VSTM2B: variants seen among roughly 807,000 people sequenced by gnomAD.
The protein encoded by VSTM2B is V-set and transmembrane domain containing 2B, also known as V-set and transmembrane domain-containing protein 2B.
VSTM2B carries 24 observed loss-of-function variants against 24.0 expected under a neutral mutation model. The ratio of observed to expected loss-of-function variants is 1.00; its 90% CI spans 0.72 to 1.40. The LOEUF is 1.40. Ranked by LOEUF, VSTM2B falls within the 40% of genes most tolerant of loss-of-function variation. The pLI is 0.00. For missense variants in VSTM2B, 399 were observed against 416.4 expected (o/e 0.96, Z 0.36); for synonymous variants, 226 against 194.4 (o/e 1.16, Z -1.35).
chr19:29,555,548 T>C (rs774315737), intron 4 of VSTM2B, among the ~76,000 whole-genome samples: 4 of 151,802 alleles, frequency 2.6e-5, no homozygotes, highest in Admixed American at 6.6e-5. Flanking sequence ...AAAGAAATAG[T>C]TAACCAAGAT....
chr19:29,548,563 G>C (rs1054298703), intron 4 of VSTM2B, among the ~76,000 whole-genome samples: 1 of 152,196 alleles, frequency 6.6e-6, no homozygotes, highest in East Asian at 1.9e-4. Flanking sequence ...ACATCAACAA[G>C]GGAGGCAGCC....
At chr19:29,555,389 G>C (rs1444198639) in intron 4 of VSTM2B, among the ~76,000 whole-genome samples, 3 of 152,126 alleles carry the variant, frequency 2.0e-5, no homozygotes, top group African/African-American at 4.8e-5. Context: ...CAAAATTTCT[G>C]GGACACAACT....
chr19:29,540,042 C>CCA (rs1568441378), intron 4 of VSTM2B, among the ~76,000 whole-genome samples: 1 of 152,262 alleles, frequency 6.6e-6, no homozygotes, highest in African/African-American at 2.4e-5. Context: ...CAGGAAAGCC[C>CCA]AGCTGCAATG....
rs955931048 is a variant in VSTM2B, at chr19:29,526,316, G to A, written c.-268G>A. Among the ~76,000 whole-genome samples, 1 of 151,874 alleles carries A rather than the reference G, an allele frequency of 6.6e-6. No homozygotes were observed. Among genetic ancestry groups the A allele is most frequent in the Non-Finnish European group, 1.5e-5 (1 of 67,916 alleles). ...CCACCGTCCTGTGGACGACCGGACA[G>A]AGAGAGGCACTGACCGATCGCCAGC... On this transcript the variant is annotated 5_prime_UTR_variant, in exon 1 of 5. Coordinates refer to ENST00000335523, the MANE Select transcript of VSTM2B (RefSeq NM_001146339.2). This position sits in a 1 kb window ranked among gnomAD's most constrained non-coding sequence, Gnocchi z 4.1.
At chr19:29,555,398 C>T (rs976891613) in intron 4 of VSTM2B, among the ~76,000 whole-genome samples, 3 of 152,106 alleles carry the variant, frequency 2.0e-5, no homozygotes, top group Non-Finnish European at 4.4e-5. Flanking sequence ...TGGGACACAA[C>T]TGAAGCAGTG....
At chr19:29,552,232 G>A (rs949360783) in intron 4 of VSTM2B, among the ~76,000 whole-genome samples, 2 of 152,202 alleles carry the variant, frequency 1.3e-5, no homozygotes, top group South Asian at 2.1e-4. Context: ...GGTCTGCCCC[G>A]ATTCATTTGG....
At chr19:29,539,601 G>A (rs1052227391) in intron 4 of VSTM2B, among the ~76,000 whole-genome samples, 2 of 152,152 alleles carry the variant, frequency 1.3e-5, no homozygotes, top group African/African-American at 2.4e-5. Flanking sequence ...GGGGACTCAC[G>A]CCACCGTTAC....
intron 4 of VSTM2B, among the ~76,000 whole-genome samples, chr19:29,548,889 T>G (rs1376626087): frequency 2.0e-5 from 3 of 152,180 alleles, no homozygotes; most frequent in Non-Finnish European, 4.4e-5. Context: ...AGGGCCAGGT[T>G]GGCTGAGCAA....
chr19:29,541,625 C>G, intron 4 of VSTM2B, among the ~76,000 whole-genome samples: 1 of 150,686 alleles, frequency 6.6e-6, no homozygotes, highest in East Asian at 2.0e-4. Context: ...GATGGGTGGA[C>G]AGAAAATGAG....
chr19:29,561,284 C>A (rs1262796497), intron 4 of VSTM2B, among the ~76,000 whole-genome samples: 1 of 151,396 alleles, frequency 6.6e-6, no homozygotes, highest in Non-Finnish European at 1.5e-5. Flanking sequence ...TGCGCTCCAA[C>A]CTGGGTGACA....
intron 4 of VSTM2B, among the ~76,000 whole-genome samples, chr19:29,562,470 A>C (rs945056875): frequency 6.6e-6 from 1 of 152,122 alleles, no homozygotes; most frequent in Non-Finnish European, 1.5e-5. Flanking sequence ...GAAAATTGAC[A>C]CAGGGTAGGG....
intron 4 of VSTM2B, among the ~76,000 whole-genome samples, chr19:29,555,932 C>T (rs918248207): frequency 1.3e-5 from 2 of 151,930 alleles, no homozygotes; most frequent in Non-Finnish European, 2.9e-5. Flanking sequence ...TACCAACCAA[C>T]AAAAGCCTGG....
chr19:29,526,724 A>C lies in VSTM2B; in HGVS notation c.82+59A>C. The C allele has an allele frequency of 7.0e-7, 1 of 1,421,184 alleles. No individual in the cohort carries two copies. The highest frequency in any genetic ancestry group is 1.3e-5 in the South Asian group (1 of 79,000). The allele number at this position is 1,421,184 out of a possible 1,614,324, so 88.0% of individuals were successfully genotyped here. A position where few individuals can be genotyped will look rare whatever the true frequency, so the allele number is the denominator to read the frequency against. On this transcript the variant is annotated intron_variant, in intron 1 of 4. Coordinates refer to ENST00000335523, the MANE Select transcript of VSTM2B (RefSeq NM_001146339.2). This position sits in a 1 kb window ranked among gnomAD's most constrained non-coding sequence, Gnocchi z 4.1. The stretch of plus-strand genomic sequence containing the variant: ...CGGGGGGGTCTTTGCTGGGGCCGCC[A>C]CCGAGAAGAAGAAGAAAGAGAACGA...
intron 4 of VSTM2B, among the ~76,000 whole-genome samples, chr19:29,545,488 C>T (rs1970131610): frequency 6.6e-6 from 1 of 152,182 alleles, no homozygotes; most frequent in East Asian, 1.9e-4. Context: ...TGGCACATGC[C>T]TGTAACCCCA....
At chr19:29,536,192 G>A (rs1230457472) in intron 4 of VSTM2B, among the ~76,000 whole-genome samples, 2 of 152,206 alleles carry the variant, frequency 1.3e-5, no homozygotes, top group Non-Finnish European at 2.9e-5. Context: ...GGGAACCAGA[G>A]ATGGCAGTGT....
At chr19:29,545,251 G>A (rs184526534) in intron 4 of VSTM2B, among the ~76,000 whole-genome samples, 12 of 152,232 alleles carry the variant, frequency 7.9e-5, no homozygotes, top group Admixed American at 7.8e-4. Flanking sequence ...GAAGAGTTAG[G>A]TCTTCAGCCT....
At chr19:29,548,887 GT>G (rs1970208655) in intron 4 of VSTM2B, among the ~76,000 whole-genome samples, 2 of 152,236 alleles carry the variant, frequency 1.3e-5, no homozygotes. Flanking sequence ...AAAGGGCCAG[GT>G]TGGCTGAGCA....
chr19:29,542,373 GA>G, intron 4 of VSTM2B, among the ~76,000 whole-genome samples: 1 of 151,016 alleles, frequency 6.6e-6, no homozygotes, highest in African/African-American at 2.4e-5. Context: ...GAAGAAGGGT[GA>G]ATCAATGTGT....
intron 2 of VSTM2B, 55 bp downstream of exon 2, chr19:29,527,450 G>C: frequency 7.1e-7 from 1 of 1,400,254 alleles, no homozygotes; most frequent in Non-Finnish European, 9.2e-7. Context: ...CCGGGGCGGC[G>C]AAGGCTAACC....
Sources: allele counts gnomAD v4.1 joint callset (sites outside exome capture counted in the v4.1 genomes callset), GRCh38; gene constraint gnomAD v4.1.1; non-coding constraint Gnocchi (gnomAD v3.1); transcripts MANE v1.5; gene names NCBI Gene and HGNC (gene_info 2026-07-23, HGNC 2026-07-21).